VPS8: variants seen among roughly 807,000 people sequenced by gnomAD.
The protein encoded by VPS8 is VPS8 subunit of CORVET complex.
VPS8 carries 129 observed loss-of-function variants against 216.4 expected under a neutral mutation model. The ratio of observed to expected loss-of-function variants is 0.60; its 90% CI spans 0.52 to 0.69. The LOEUF is 0.69. VPS8 is among the 30% of genes least tolerant of loss of function. The probability of loss-of-function intolerance (pLI) is 0.00; values close to 1 mark genes in which losing one functional copy is unlikely to be tolerated. For synonymous variants in VPS8, 571 were observed against 565.4 expected (o/e 1.01, Z -0.14); for missense variants, 1,531 against 1,683.5 (o/e 0.91, Z 1.59).
intron 22 of VPS8, among the ~76,000 whole-genome samples, chr3:184,888,170 G>A (rs1019692770): frequency 1.7e-4 from 26 of 151,974 alleles, no homozygotes; most frequent in Non-Finnish European, 3.1e-4. Flanking sequence ...TGTATTTTTA[G>A]TAGAGACAGG....
intron 29 of VPS8, among the ~76,000 whole-genome samples, chr3:184,923,720 A>C (rs1368258284): frequency 2.0e-5 from 3 of 152,094 alleles, no homozygotes; most frequent in Non-Finnish European, 4.4e-5. Flanking sequence ...ATTCTAATAA[A>C]TATTGTTGTT....
intron 45 of VPS8, among the ~76,000 whole-genome samples, chr3:185,000,826 C>T (rs2109911623): frequency 6.6e-6 from 1 of 152,180 alleles, no homozygotes; most frequent in Middle Eastern, 3.4e-3. Context: ...AGGATGGTCT[C>T]GATCTCCTGA....
chr3:184,833,887 A>T (rs983483681), intron 4 of VPS8, among the ~76,000 whole-genome samples: 13 of 152,222 alleles, frequency 8.5e-5, no homozygotes, highest in Non-Finnish European at 1.8e-4. Flanking sequence ...CACTTAATTC[A>T]TATCTCTAAT....
At chr3:184,834,327 G>A (rs1217032001) in intron 4 of VPS8, among the ~76,000 whole-genome samples, 2 of 152,180 alleles carry the variant, frequency 1.3e-5, no homozygotes, top group Admixed American at 1.3e-4. Flanking sequence ...TGAGGTTCAA[G>A]GCGGGTTTAA....
intron 16 of VPS8, 142 bp downstream of exon 16, chr3:184,863,209 G>A (rs1726700923): frequency 2.1e-6 from 2 of 956,292 alleles, no homozygotes; most frequent in Admixed American, 5.2e-5. Context: ...CTAGGTTGAA[G>A]TGGGTGTGGA....
chr3:184,867,932 A>C, intron 17 of VPS8, 92 bp from the exon 18 acceptor site: 1 of 1,285,498 alleles, frequency 7.8e-7, no homozygotes, highest in South Asian at 1.3e-5. Flanking sequence ...ACTTAAAGGG[A>C]TATCAAATGA....
rs763937793 is a variant in VPS8, at chr3:184,869,532, A to G, written c.1644+4A>G. On this transcript the variant is annotated splice_donor_region_variant and intron_variant, in intron 20 of 47. Coordinates refer to ENST00000625842, the MANE Select transcript of VPS8 (RefSeq NM_001009921.3). ...AAAGGCTATTGTTGCAGACCGGGTG[A>G]GTATTTTAAGAGGGTCTTTACTAGA... The G allele has an allele frequency of 1.2e-6, 2 of 1,613,212 alleles. No individual in the cohort carries two copies. Among genetic ancestry groups the G allele is most frequent in the Non-Finnish European group, 8.5e-7 (1 of 1,179,378 alleles).
At chr3:184,856,912 G>A (rs1414948671) in intron 14 of VPS8, among the ~76,000 whole-genome samples, 4 of 152,174 alleles carry the variant, frequency 2.6e-5, no homozygotes, top group Middle Eastern at 3.4e-3. Context: ...GAGGTCTTGC[G>A]GGTCTCCAAC....
chr3:184,940,384 C>T (rs989842958), intron 36 of VPS8, 141 bp downstream of exon 36: 3 of 269,330 alleles, frequency 1.1e-5, no homozygotes, highest in Admixed American at 5.3e-5. Context: ...GCAACTGTTA[C>T]ACAGATAATG....
At chr3:184,905,980 A>G (rs150470889) in intron 25 of VPS8, among the ~76,000 whole-genome samples, 3 of 152,306 alleles carry the variant, frequency 2.0e-5, no homozygotes, top group African/African-American at 4.8e-5. Context: ...CAATATATGT[A>G]TCAGAAGCCT....
At chr3:184,844,656 A>T (rs1334484731) in intron 8 of VPS8, among the ~76,000 whole-genome samples, 1 of 152,194 alleles carries the variant, frequency 6.6e-6, no homozygotes, top group Non-Finnish European at 1.5e-5. Flanking sequence ...CAGACTTTGT[A>T]CATTATTTGT....
Position 184,870,812 on chromosome 3 carries a change from A to G in VPS8, c.1734+7A>G. 1 of 1,607,986 alleles carries G rather than the reference A, an allele frequency of 6.2e-7. No homozygotes were observed. Among genetic ancestry groups the G allele is most frequent in the Non-Finnish European group, 8.5e-7 (1 of 1,176,688 alleles). On this transcript the variant is annotated splice_region_variant and intron_variant, in intron 21 of 47. Transcript: ENST00000625842. ...GATGGAGCAGCATTTTCAGGTACACATTGCATGTGCTTCCAGTAGACGATG... is the reference window on the plus strand; with the variant it reads ...GATGGAGCAGCATTTTCAGGTACACGTTGCATGTGCTTCCAGTAGACGATG...
At chr3:184,889,121 T>TA (rs1731855670) in intron 22 of VPS8, among the ~76,000 whole-genome samples, 1 of 152,220 alleles carries the variant, frequency 6.6e-6, no homozygotes, top group Non-Finnish European at 1.5e-5. Flanking sequence ...ATTGACTGTC[T>TA]GAGAATGCAA....
intron 45 of VPS8, among the ~76,000 whole-genome samples, chr3:185,002,255 C>T (rs998561898): frequency 4.6e-5 from 7 of 151,962 alleles, no homozygotes; most frequent in Non-Finnish European, 7.4e-5. Flanking sequence ...TTAGGGAATT[C>T]CTTTTTATTC....
intron 21 of VPS8, among the ~76,000 whole-genome samples, chr3:184,874,770 G>T (rs192610671): frequency 6.6e-6 from 1 of 152,136 alleles, no homozygotes; most frequent in Admixed American, 6.5e-5. Context: ...CAACTGAGAT[G>T]GTGGAAGGTT....
chr3:184,826,909 A>T (rs1718913291), intron 3 of VPS8, among the ~76,000 whole-genome samples: 1 of 152,204 alleles, frequency 6.6e-6, no homozygotes, highest in South Asian at 2.1e-4. Flanking sequence ...GGCTTTCTAA[A>T]GGGGCTCTGT....
At chr3:184,961,763 TTTTTTGTTTTTGTTC>T (rs1746560777) in intron 37 of VPS8, among the ~76,000 whole-genome samples, 1 of 151,972 alleles carries the variant, frequency 6.6e-6, no homozygotes, top group Non-Finnish European at 1.5e-5. Flanking sequence ...TGTTTTTGTT[TTTTTTGTTTTTGTTC>T]TTTTTTTAGA....
chr3:184,983,109 G>A lies in VPS8; in HGVS notation c.3585+15G>A. On this transcript the variant is annotated intron_variant, in intron 42 of 47. Transcript: ENST00000625842. Reference sequence around the variant, plus strand: ...GAATCTTACAGGTGAGTTAAAAGGGGTGAATATTAAATATTGATTTCAACT... The same window carrying A: ...GAATCTTACAGGTGAGTTAAAAGGGATGAATATTAAATATTGATTTCAACT... The A allele has an allele frequency of 6.3e-7, 1 of 1,576,348 alleles. No individual in the cohort carries two copies. Among genetic ancestry groups the A allele is most frequent in the South Asian group, 1.2e-5 (1 of 84,366 alleles).
At chr3:184,926,022 T>G (rs1485080549) in intron 30 of VPS8, among the ~76,000 whole-genome samples, 2 of 148,366 alleles carry the variant, frequency 1.3e-5, no homozygotes, top group Non-Finnish European at 3.0e-5. Context: ...TGATCCGCCC[T>G]CCTCGGCCTC....
Sources: gnomAD v4.1 joint callset for allele counts (sites outside exome capture counted in the v4.1 genomes callset) on GRCh38, gnomAD v4.1.1 for gene constraint, MANE v1.5 for transcripts, NCBI Gene and HGNC (gene_info 2026-07-23, HGNC 2026-07-21) for gene names.